Variants in FBLIM1 observed in about 807,000 individuals in gnomAD.
FBLIM1 encodes the protein filamin binding LIM protein 1.
FBLIM1 carries 29 observed loss-of-function variants against 37.4 expected under a neutral mutation model. The observed-to-expected ratio is 0.77, with a 90% CI of 0.58 to 1.06. The LOEUF is 1.06. FBLIM1 is among the 50% of genes least tolerant of loss of function. The probability of loss-of-function intolerance (pLI) is 0.00; values close to 1 mark genes in which losing one functional copy is unlikely to be tolerated. For synonymous variants in FBLIM1, 193 were observed against 199.0 expected, an observed-to-expected ratio of 0.97 and a Z score of 0.25; for missense variants, 449 against 505.6, an observed-to-expected ratio of 0.89 and a Z score of 1.07.
chr1:15,783,247 G>A (rs1219053191), intron 8 of FBLIM1, among the ~76,000 whole-genome samples: 2 of 152,144 alleles, frequency 1.3e-5, no homozygotes, highest in Non-Finnish European at 2.9e-5. Flanking sequence ...TTTGGGCCCC[G>A]AGTCCCTGTG....
chr1:15,763,221 C>A (rs2068758511), intron 1 of FBLIM1, among the ~76,000 whole-genome samples: 1 of 151,874 alleles, frequency 6.6e-6, no homozygotes, highest in African/African-American at 2.4e-5. Context: ...AGGCGCCCGC[C>A]AGCACACCCA....
chr1:15,765,301 C>T lies in FBLIM1; in HGVS notation c.250+68C>T. The T allele has an allele frequency of 6.6e-7, 1 of 1,513,220 alleles. No homozygotes were observed. The highest frequency in any genetic ancestry group is 8.9e-7 in the Non-Finnish European group (1 of 1,127,492). 93.7% of individuals were successfully genotyped at this position (1,513,220 alleles called of 1,614,324 possible). Reference sequence around the variant, plus strand: ...GAGGTGGGGAGGAAAGGGCAGGCTCCAGCGTCATTCATTCATTCATTATTC... The same window carrying T: ...GAGGTGGGGAGGAAAGGGCAGGCTCTAGCGTCATTCATTCATTCATTATTC... On this transcript the variant is annotated intron_variant, in intron 3 of 8. Transcript: ENST00000375766. The surrounding 1 kb of genome is among the most constrained non-coding windows in gnomAD (Gnocchi z 5.9).
rs772426942 is a variant in FBLIM1 at position 15,770,502 on chromosome 1, G to A, written c.635G>A (p.Arg212His). The change falls in exon 6 of 9, where the codon CGC becomes CAC. Residue 212 changes from arginine (R) to histidine (H), a missense_variant. Physicochemically the swap from Arg to His is conservative, Grantham distance 29 (BLOSUM62 0). Coordinates refer to ENST00000375766, the MANE Select transcript of FBLIM1 (RefSeq NM_017556.4). ...RQYHAQCFTCRTCRRQLAGQS... is the reference protein window; with the variant it reads ...RQYHAQCFTCHTCRRQLAGQS... ...TACCATGCCCAGTGCTTCACGTGCCGCACCTGCCGCCGCCAGCTGGCTGGG... is the reference window on the plus strand; with the variant it reads ...TACCATGCCCAGTGCTTCACGTGCCACACCTGCCGCCGCCAGCTGGCTGGG... 9.9e-6 allele frequency: 16 copies of A among 1,613,624 alleles called. No homozygotes were observed. The highest frequency in any genetic ancestry group is 1.3e-5 in the African/African-American group (1 of 74,844).
chr1:15,760,149 G>C (rs2068599182), intron 1 of FBLIM1, among the ~76,000 whole-genome samples: 1 of 152,092 alleles, frequency 6.6e-6, no homozygotes, highest in Non-Finnish European at 1.5e-5. Flanking sequence ...CTTGAACCCA[G>C]GAGGCGGAGG....
rs12039692 is a variant in FBLIM1 at position 15,766,237 on chromosome 1, A to T, written c.250+1004A>T. 7.3e-4 allele frequency among the ~76,000 whole-genome samples: 111 copies of T among 152,016 alleles called. 1 individual carries two copies. In the East Asian group the frequency reaches 0.021, roughly 29 times the overall value. ...ATCCTCCCACCTCAGCCTCCCAAGG[A>T]GCTGGGACCACAAGCTCTCACCACC... On this transcript the variant is annotated intron_variant, in intron 3 of 8. Transcript: ENST00000375766.
In FBLIM1 at chr1:15,785,788, C is replaced by T. The variant is rs958708190; in HGVS notation, c.*1127C>T. 1.1e-4 allele frequency: 16 copies of T among 152,290 alleles called. No individual in the cohort carries two copies. The highest frequency in any genetic ancestry group is 3.9e-4 in the African/African-American group (16 of 41,450). 9.4% of individuals were successfully genotyped at this position (152,290 alleles called of 1,614,324 possible). On this transcript the variant is annotated 3_prime_UTR_variant, in exon 9 of 9. Transcript: ENST00000375766. ...GGGGCACAGCCATGGACTTCCCCGC[C>T]CTGGAATGTGTGGTGCAAAGTGGGG...
chr1:15,771,729 A>T (rs898021517), intron 6 of FBLIM1, among the ~76,000 whole-genome samples: 1 of 151,890 alleles, frequency 6.6e-6, no homozygotes, highest in African/African-American at 2.4e-5. Context: ...TCCTTAGCTC[A>T]TCCCATCTGA....
chr1:15,765,075 G>A lies in FBLIM1; in HGVS notation c.92G>A (p.Arg31Lys), dbSNP rs1032694194. The A allele has an allele frequency of 3.1e-6, 5 of 1,614,112 alleles. No individual in the cohort carries two copies. The East Asian group carries it at 6.7e-5, about 22-fold the overall frequency. ...GATGTGGCCGTGGCGGAGGAAGTGA[G>A]GCAGGCAGTTTGTGAGGCCCGGCGT... is the stretch of plus-strand genomic sequence containing the variant. Reference protein sequence around the residue: ...RRDVAVAEEVRQAVCEARRGR... With the variant: ...RRDVAVAEEVKQAVCEARRGR... The change falls in exon 3 of 9, where the codon AGG (arginine) becomes AAG (lysine). Residue 31 changes from arginine (R) to lysine (K), a missense_variant. Arg to Lys is a conservative substitution (Grantham distance 26). Coordinates refer to ENST00000375766, the MANE Select transcript of FBLIM1 (RefSeq NM_017556.4). The surrounding 1 kb of genome is among the most constrained non-coding windows in gnomAD (Gnocchi z 5.9).
At chr1:15,773,019 C>G (rs2069295390) in intron 6 of FBLIM1, among the ~76,000 whole-genome samples, 1 of 151,922 alleles carries the variant, frequency 6.6e-6, no homozygotes, top group Admixed American at 6.6e-5. Context: ...CTCCTGACCT[C>G]AGGAGATCTG....
chr1:15,764,835 T>TG (rs1352281605), intron 2 of FBLIM1, 129 bp from the exon 3 acceptor site: 2 of 1,147,568 alleles, frequency 1.7e-6, no homozygotes, highest in Non-Finnish European at 2.5e-6. Flanking sequence ...GGCTGGGTGC[T>TG]GGACTGAGTT....
chr1:15,766,586 C>G (rs867222222), intron 3 of FBLIM1, among the ~76,000 whole-genome samples: 1 of 144,308 alleles, frequency 6.9e-6, no homozygotes, highest in Non-Finnish European at 1.5e-5. Context: ...CGTGAGCCAC[C>G]GCGCCCAGCC....
At chr1:15,763,664 G>C (rs530864684) in intron 1 of FBLIM1, among the ~76,000 whole-genome samples, 1 of 151,690 alleles carries the variant, frequency 6.6e-6, no homozygotes, top group East Asian at 2.0e-4. Context: ...AAAAAAGACA[G>C]AGTCTCGCTC....
intron 6 of FBLIM1, among the ~76,000 whole-genome samples, chr1:15,773,236 A>T (rs1352339708): frequency 6.6e-6 from 1 of 151,784 alleles, no homozygotes; most frequent in Non-Finnish European, 1.5e-5. Flanking sequence ...AAATACAAAA[A>T]CTAGCCAGGC....
chr1:15,778,236 T>C lies in FBLIM1; in HGVS notation c.1008+949T>C, dbSNP rs145774410. ...GATGCTGGACAGATCCACACCACAGTGCCTTTTCCAGGTGCTGGGCAAGAG... is the reference window on the plus strand; with the variant it reads ...GATGCTGGACAGATCCACACCACAGCGCCTTTTCCAGGTGCTGGGCAAGAG... On this transcript the variant is annotated intron_variant, in intron 8 of 8. Transcript: ENST00000375766. 3.9e-3 allele frequency among the ~76,000 whole-genome samples: 592 copies of C among 152,162 alleles called. 10 individuals are homozygous for C. Among genetic ancestry groups the C allele is most frequent in the African/African-American group, 0.014 (568 of 41,540 alleles).
In FBLIM1 at chr1:15,764,491, AG is replaced by A. The variant is rs2068824122; in HGVS notation, c.-210-4del. 1 of 159,950 alleles carries A rather than the reference AG, an allele frequency of 6.3e-6. No homozygotes were observed. The highest frequency in any genetic ancestry group is 6.3e-5 in the Admixed American group (1 of 15,876). The allele number at this position is 159,950 out of a possible 1,614,324, so 9.9% of individuals were successfully genotyped here. On this transcript the variant is annotated splice_region_variant and splice_polypyrimidine_tract_variant and intron_variant, in intron 1 of 8. Coordinates refer to ENST00000375766, the MANE Select transcript of FBLIM1 (RefSeq NM_017556.4). ...CTGATCTGTTCTCTTTCCCTCCCAA[AG>A]CAGAGCTGGCCTGAACCTCCAGGAC...
rs768406197 is a variant in FBLIM1, at chr1:15,765,842, C to T, written c.250+609C>T. Among the ~76,000 whole-genome samples, 5 of 152,230 alleles carry T rather than the reference C, an allele frequency of 3.3e-5. No individual in the cohort carries two copies. Among genetic ancestry groups the T allele is most frequent in the Non-Finnish European group, 7.3e-5 (5 of 68,036 alleles). ...GTCCCCCTGCTTCTCTCTTGAATTCCTGCCCGCCCATCATAGCCTATGGGC... is the reference window on the plus strand; with the variant it reads ...GTCCCCCTGCTTCTCTCTTGAATTCTTGCCCGCCCATCATAGCCTATGGGC... On this transcript the variant is annotated intron_variant, in intron 3 of 8. Transcript: ENST00000375766. The surrounding 1 kb of genome is among the most constrained non-coding windows in gnomAD (Gnocchi z 5.9).
At chr1:15,778,698 T>C (rs2069559911) in intron 8 of FBLIM1, among the ~76,000 whole-genome samples, 1 of 151,902 alleles carries the variant, frequency 6.6e-6, no homozygotes, top group Admixed American at 6.6e-5. Context: ...TGGAGTGCAA[T>C]GGCGTGATCT....
At chr1:15,775,770 G>A (rs1294631473) in intron 7 of FBLIM1, among the ~76,000 whole-genome samples, 1 of 152,060 alleles carries the variant, frequency 6.6e-6, no homozygotes, top group African/African-American at 2.4e-5. Context: ...TAGAAATTCG[G>A]CTGGAGGAAA....
chr1:15,761,578 C>CAA, intron 1 of FBLIM1, among the ~76,000 whole-genome samples: 1 of 152,160 alleles, frequency 6.6e-6, no homozygotes, highest in African/African-American at 2.4e-5. Flanking sequence ...AAACTTATAA[C>CAA]AAAGTGTAAA....
Sources: gnomAD v4.1 joint callset for allele counts (sites outside exome capture counted in the v4.1 genomes callset) on GRCh38, gnomAD v4.1.1 for gene constraint, Gnocchi (gnomAD v3.1) non-coding constraint, MANE v1.5 for transcripts, NCBI Gene and HGNC (gene_info 2026-07-23, HGNC 2026-07-21) for gene names.